CSMD2: variants seen among roughly 807,000 people sequenced by gnomAD.
The protein encoded by CSMD2 is CUB and sushi domain-containing protein 2.
A neutral mutation model predicts 398.5 loss-of-function variants in CSMD2; 130 were observed. The ratio of observed to expected loss-of-function variants is 0.33; its 90% confidence interval spans 0.28 to 0.38. The LOEUF (loss-of-function observed/expected upper bound fraction) is 0.38. Among genes scored for constraint, CSMD2 ranks in the 10% least tolerant of loss-of-function variants. The pLI is 1.00. For synonymous variants in CSMD2, 1,828 were observed against 1,908.5 expected, an observed-to-expected ratio of 0.96 and a Z score of 1.10; for missense variants, 3,829 against 4,764.9, an observed-to-expected ratio of 0.80 and a Z score of 5.78.
Position 33,624,762 on chromosome 1 carries a change from C to T in CSMD2, c.5501-119G>A. 7.5e-7 allele frequency: 1 copy of T among 1,331,300 alleles called. No homozygotes were observed. Among genetic ancestry groups the T allele is most frequent in the Non-Finnish European group, 1.0e-6 (1 of 981,916 alleles). 82.5% of individuals were successfully genotyped at this position (1,331,300 alleles called of 1,614,324 possible). ...GTCCTCCTCCCCATGGGGGTGTCTC[C>T]CTAATGTCCCCAGTCCTGCCTTCTC... On this transcript the variant is annotated intron_variant, in intron 34 of 70. Coordinates refer to ENST00000373381, the MANE Select transcript of CSMD2 (RefSeq NM_001281956.2). The surrounding 1 kb of genome is among the most constrained non-coding windows in gnomAD (Gnocchi z 4.7).
In CSMD2 at chr1:33,780,665, A is replaced by G. The variant is rs148249689; in HGVS notation, c.1664-7914T>C. On this transcript the variant is annotated intron_variant, in intron 12 of 70. Coordinates refer to ENST00000373381, the MANE Select transcript of CSMD2 (RefSeq NM_001281956.2). ...ACTTTCTACCAAATTTTAATGCGGC[A>G]GCATCCTCTGCTGTTTGCCAGCCCA... Among the ~76,000 whole-genome samples the G allele has an allele frequency of 3.3e-3, 504 of 152,348 alleles. 2 individuals carry two copies. Among genetic ancestry groups the G allele is most frequent in the African/African-American group, 0.011 (473 of 41,592 alleles).
chr1:33,932,055 G>T (rs900224148), intron 4 of CSMD2, among the ~76,000 whole-genome samples: 11 of 152,212 alleles, frequency 7.2e-5, no homozygotes. Context: ...AGCAAGAAAA[G>T]CAAGAATGTA....
intron 6 of CSMD2, among the ~76,000 whole-genome samples, chr1:33,832,927 TAC>T: frequency 6.6e-6 from 1 of 151,690 alleles, no homozygotes; most frequent in East Asian, 1.9e-4. Flanking sequence ...CCTAGACACA[TAC>T]ACCCTCCCAA....
At chr1:33,913,305 T>C (rs1393572459) in intron 5 of CSMD2, among the ~76,000 whole-genome samples, 1 of 152,182 alleles carries the variant, frequency 6.6e-6, no homozygotes, top group African/African-American at 2.4e-5. Flanking sequence ...TAACCTTATC[T>C]GAGTTTCCAG....
chr1:33,591,253 G>A (rs1173302998), intron 44 of CSMD2, among the ~76,000 whole-genome samples: 1 of 152,160 alleles, frequency 6.6e-6, no homozygotes, highest in Non-Finnish European at 1.5e-5. Flanking sequence ...CTCCCAAAGT[G>A]CTGGGATTAT....
intron 2 of CSMD2, among the ~76,000 whole-genome samples, chr1:34,070,888 G>A (rs111834477): frequency 0.011 from 1,740 of 152,226 alleles, 21 homozygotes; most frequent in Non-Finnish European, 0.017. Context: ...TAGGGTTTAC[G>A]TAAGTTTAAG....
intron 3 of CSMD2, among the ~76,000 whole-genome samples, chr1:34,012,643 T>C (rs1647520803): frequency 6.6e-6 from 1 of 152,158 alleles, no homozygotes; most frequent in South Asian, 2.1e-4. Context: ...GATTTCATCA[T>C]GTAGCTTGTC....
intron 6 of CSMD2, among the ~76,000 whole-genome samples, chr1:33,844,748 C>T (rs1358950185): frequency 6.6e-6 from 1 of 152,172 alleles, no homozygotes; most frequent in Non-Finnish European, 1.5e-5. Flanking sequence ...CACGCAGTTG[C>T]TGTTAGGATT....
intron 40 of CSMD2, among the ~76,000 whole-genome samples, 153 bp from the exon 41 acceptor site, chr1:33,611,403 C>T (rs1640994942): frequency 6.6e-6 from 1 of 152,134 alleles, no homozygotes; most frequent in South Asian, 2.1e-4. Flanking sequence ...GGGAATTGCC[C>T]GTCCAGCCAA....
At chr1:33,832,663 T>C (rs1004482404) in intron 6 of CSMD2, among the ~76,000 whole-genome samples, 1 of 150,496 alleles carries the variant, frequency 6.6e-6, no homozygotes, top group Non-Finnish European at 1.5e-5. Flanking sequence ...AGCAGAACTG[T>C]AGGAAATAGA....
At chr1:33,986,702 T>C (rs1365318968) in intron 3 of CSMD2, among the ~76,000 whole-genome samples, 1 of 152,222 alleles carries the variant, frequency 6.6e-6, no homozygotes. Context: ...AACCCCAAGC[T>C]GCCACAGTCT....
intron 59 of CSMD2, 68 bp from the exon 60 acceptor site, chr1:33,540,766 T>C: frequency 6.4e-7 from 1 of 1,566,856 alleles, no homozygotes; most frequent in Non-Finnish European, 8.7e-7. Flanking sequence ...TCACCATCAT[T>C]GATATCACCG....
At chr1:34,011,518 C>A (rs1647321410) in intron 3 of CSMD2, among the ~76,000 whole-genome samples, 1 of 152,150 alleles carries the variant, frequency 6.6e-6, no homozygotes, top group African/African-American at 2.4e-5. Context: ...GGCCTCTCCA[C>A]CAGTTTTGTT....
chr1:33,582,830 C>A (rs1638823076), intron 47 of CSMD2, among the ~76,000 whole-genome samples: 1 of 152,182 alleles, frequency 6.6e-6, no homozygotes, highest in Admixed American at 6.5e-5. Context: ...AGGCGCATAT[C>A]TTTATTAGAA....
At chr1:33,947,255 C>G (rs573948397) in intron 3 of CSMD2, among the ~76,000 whole-genome samples, 45 of 152,286 alleles carry the variant, frequency 3.0e-4, no homozygotes, top group South Asian at 1.5e-3. Flanking sequence ...TTGTTATCTC[C>G]TTAACCTCCC....
chr1:34,067,464 C>A (rs567254442), intron 2 of CSMD2, among the ~76,000 whole-genome samples: 2 of 152,138 alleles, frequency 1.3e-5, no homozygotes, highest in Admixed American at 1.3e-4. Flanking sequence ...GATGGGCCAA[C>A]GGCTTGTACA....
intron 1 of CSMD2, among the ~76,000 whole-genome samples, chr1:34,113,971 C>T (rs1379919676): frequency 6.6e-6 from 1 of 152,162 alleles, no homozygotes; most frequent in Non-Finnish European, 1.5e-5. Context: ...TGCAGAGGGA[C>T]CGGTTTCTGT....
chr1:34,071,685 C>G (rs568524663), intron 2 of CSMD2, among the ~76,000 whole-genome samples: 2 of 152,220 alleles, frequency 1.3e-5, no homozygotes, highest in Non-Finnish European at 2.9e-5. Context: ...CTGCTTCCCA[C>G]TAACACCTAC....
chr1:34,089,513 C>G (rs1658310332), intron 1 of CSMD2, among the ~76,000 whole-genome samples: 1 of 152,232 alleles, frequency 6.6e-6, no homozygotes, highest in African/African-American at 2.4e-5. Context: ...GACTTCCCCT[C>G]TACAACATGG....
Sources: gnomAD v4.1 joint callset for allele counts (sites outside exome capture counted in the v4.1 genomes callset) on GRCh38, gnomAD v4.1.1 for gene constraint, Gnocchi (gnomAD v3.1) non-coding constraint, MANE v1.5 for transcripts, NCBI Gene and HGNC (gene_info 2026-07-23, HGNC 2026-07-21) for gene names.